Variants in LRP2 observed in about 807,000 individuals in gnomAD.
LRP2 encodes low-density lipoprotein receptor-related protein 2.
A neutral mutation model predicts 531.0 loss-of-function variants in LRP2; 172 were observed. The ratio of observed to expected loss-of-function variants is 0.32; its 90% CI spans 0.29 to 0.37. The LOEUF is 0.37. LRP2 is among the 10% of genes least tolerant of loss of function. LRP2 has a pLI of 1.00. For missense variants in LRP2, 5,167 were observed against 5,868.3 expected, an observed-to-expected ratio of 0.88 and a Z score of 3.90; for synonymous variants, 1,992 against 2,027.6, an observed-to-expected ratio of 0.98 and a Z score of 0.47.
At chr2:169,136,017 C>G (rs554009091) in intron 76 of LRP2, among the ~76,000 whole-genome samples, 34 of 151,996 alleles carry the variant, frequency 2.2e-4, no homozygotes, top group Admixed American at 4.6e-4. Flanking sequence ...AGGGCTATGC[C>G]GAACCTCCTT....
intron 1 of LRP2, among the ~76,000 whole-genome samples, chr2:169,361,460 T>A (rs577740868): frequency 2.2e-4 from 33 of 151,180 alleles, no homozygotes; most frequent in African/African-American, 7.8e-4. Context: ...TCCCTCCTTC[T>A]TTCCTTATTC....
intron 75 of LRP2, 127 bp downstream of exon 75, chr2:169,138,450 G>T: frequency 9.9e-7 from 1 of 1,010,656 alleles, no homozygotes; most frequent in Non-Finnish European, 1.5e-6. Flanking sequence ...AACTTGTGTA[G>T]TGCAGACCTT....
At chr2:169,264,118 T>C (rs1036827820) in intron 16 of LRP2, among the ~76,000 whole-genome samples, 2 of 152,014 alleles carry the variant, frequency 1.3e-5, no homozygotes, top group African/African-American at 4.8e-5. Context: ...GGAGGAGGGA[T>C]AGCATTGGGA....
At chr2:169,201,571 T>C (rs1186566173) in intron 44 of LRP2, 57 bp downstream of exon 44, 4 of 1,609,398 alleles carry the variant, frequency 2.5e-6, no homozygotes, top group African/African-American at 2.7e-5. Context: ...TAATTTCATC[T>C]CCTGTGATCC....
chr2:169,135,174 A>G (rs1685452721), intron 76 of LRP2, among the ~76,000 whole-genome samples: 1 of 152,058 alleles, frequency 6.6e-6, no homozygotes, highest in South Asian at 2.1e-4. Context: ...TTTCCTTTCC[A>G]TTGTGGAAAT....
At chr2:169,361,411 C>CCTCTCTG (rs1686159021) in intron 1 of LRP2, among the ~76,000 whole-genome samples, 1 of 141,216 alleles carries the variant, frequency 7.1e-6, no homozygotes, top group Non-Finnish European at 1.5e-5. Flanking sequence ...TCTCCTCTCT[C>CCTCTCTG]TCCTCTCTCT....
intron 38 of LRP2, among the ~76,000 whole-genome samples, chr2:169,208,142 TATGGTTTCAC>T (rs1688461413): frequency 6.6e-6 from 1 of 152,204 alleles, no homozygotes; most frequent in African/African-American, 2.4e-5. Flanking sequence ...TTGCAGAGCA[TATGGTTTCAC>T]AAGTACTCAA....
At chr2:169,182,653 A>G in intron 50 of LRP2, 1 of 985,312 alleles carries the variant, frequency 1.0e-6, no homozygotes, top group Non-Finnish European at 1.2e-6. Flanking sequence ...AGAACAGGGA[A>G]GCAGAGGTGA....
intron 2 of LRP2, among the ~76,000 whole-genome samples, chr2:169,319,657 AG>A (rs1173536884): frequency 2.6e-5 from 4 of 152,234 alleles, no homozygotes; most frequent in Admixed American, 6.5e-5. Flanking sequence ...GCAAATAGTT[AG>A]CACATGATTG....
intron 34 of LRP2, among the ~76,000 whole-genome samples, chr2:169,216,954 A>T (rs1688820091): frequency 6.6e-6 from 1 of 152,202 alleles, no homozygotes. Context: ...AAATAGGAGA[A>T]ATAATGAGTA....
chr2:169,191,869 T>C lies in LRP2; in HGVS notation c.8995A>G (p.Thr2999Ala). The change falls in exon 48 of 79, where the codon ACC becomes GCC. Residue 2999 changes from threonine to alanine, a missense_variant. Physicochemically the swap from Thr to Ala is moderately conservative, Grantham distance 58. Transcript: ENST00000649046. ...GGGATACACAGTCCGTAACCACAGG[T>C]GAATTCATTTTCAGAGCAAGTTCTC... ...TRRTCSENEFTCGYGLCIPKI... is the reference protein window; with the variant it reads ...TRRTCSENEFACGYGLCIPKI... The C allele has an allele frequency of 1.2e-6, 2 of 1,614,090 alleles. No individual in the cohort carries two copies. The highest frequency in any genetic ancestry group is 1.7e-6 in the Non-Finnish European group (2 of 1,180,006).
chr2:169,340,386 C>T (rs1191038255), intron 1 of LRP2, among the ~76,000 whole-genome samples: 3 of 152,168 alleles, frequency 2.0e-5, no homozygotes, highest in East Asian at 1.9e-4. Context: ...TCTCTCTCCT[C>T]AGTAATAGAA....
At chr2:169,195,834 A>G (rs140008549) in intron 46 of LRP2, among the ~76,000 whole-genome samples, 337 of 152,316 alleles carry the variant, frequency 2.2e-3, no homozygotes, top group Admixed American at 4.5e-3. Context: ...CCACTCTTCA[A>G]CACAGAATTT....
chr2:169,145,914 G>C lies in LRP2; in HGVS notation c.12821C>G (p.Pro4274Arg). 2 of 1,614,038 alleles carry C rather than the reference G, an allele frequency of 1.2e-6. No homozygotes were observed. The highest frequency in any genetic ancestry group is 1.7e-6 in the Non-Finnish European group (2 of 1,179,980). ...GTCTTCAAAGATGTCCAGGCTGTAAGGGTTCATTGCTGCTTACCCACAGGG... is the reference window on the plus strand; with the variant it reads ...GTCTTCAAAGATGTCCAGGCTGTAACGGTTCATTGCTGCTTACCCACAGGG... ...RRVIAKEAMN[P>R]YSLDIFEDQL... The change falls in exon 70 of 79, where the codon CCT becomes CGT. Residue 4274 changes from proline (P) to arginine (R), a missense_variant. Pro to Arg is a moderately radical substitution (Grantham distance 103, BLOSUM62 -2). Around this residue, in one of 6 missense-constraint regions of LRP2, gnomAD observed 564 missense variants for 747.7 expected, o/e 0.75. Transcript: ENST00000649046.
rs140228302 is a variant in LRP2, at chr2:169,196,844, G to C, written c.8698+67C>G. On this transcript the variant is annotated intron_variant, in intron 46 of 78. Coordinates refer to ENST00000649046, the MANE Select transcript of LRP2 (RefSeq NM_004525.3). ...GCCATGACCCTGGTCTGTATTTGAA[G>C]CAGTTGGAAGAGACTGAAGTTGTCT... 241 of 1,606,368 alleles carry C rather than the reference G, an allele frequency of 1.5e-4. 2 individuals carry two copies. In the East Asian group the frequency reaches 5.3e-3, roughly 36 times the overall value.
intron 16 of LRP2, among the ~76,000 whole-genome samples, chr2:169,267,082 A>T (rs1229360051): frequency 6.6e-6 from 1 of 151,070 alleles, no homozygotes; most frequent in East Asian, 1.9e-4. Context: ...TACAAGTGGA[A>T]TCTCACTATG....
At chr2:169,151,054 A>G in intron 67 of LRP2, 28 bp from the exon 68 acceptor site, 2 of 1,613,440 alleles carry the variant, frequency 1.2e-6, no homozygotes, top group Non-Finnish European at 1.7e-6. Context: ...AAGTTAAACA[A>G]CTGCAAAGCC....
chr2:169,305,796 A>G (rs565163114), intron 4 of LRP2, among the ~76,000 whole-genome samples: 41 of 152,342 alleles, frequency 2.7e-4, no homozygotes, highest in African/African-American at 8.9e-4. Context: ...AGATTATAAT[A>G]CCATATTTTT....
In LRP2 at chr2:169,166,062, G is replaced by A. The variant is rs754868752; in HGVS notation, c.11636-8C>T. On this transcript the variant is annotated splice_polypyrimidine_tract_variant and splice_region_variant and intron_variant, in intron 61 of 78. Coordinates refer to ENST00000649046, the MANE Select transcript of LRP2 (RefSeq NM_004525.3). ...AATTACAGGGAACATCCACTGAAAG[G>A]AAAGATAGAAAAATGAAATTACAAG... is the stretch of plus-strand genomic sequence containing the variant. 3 of 1,613,632 alleles carry A rather than the reference G, an allele frequency of 1.9e-6. No individual in the cohort carries two copies. The highest frequency in any genetic ancestry group is 1.7e-6 in the Non-Finnish European group (2 of 1,179,772).
Sources: allele counts gnomAD v4.1 joint callset (sites outside exome capture counted in the v4.1 genomes callset), GRCh38; gene constraint gnomAD v4.1.1; regional missense constraint gnomAD v4.1.1; transcripts MANE v1.5; gene names NCBI Gene and HGNC (gene_info 2026-07-23, HGNC 2026-07-21).